Variants in FAM184B observed in about 807,000 individuals in gnomAD.
FAM184B encodes the protein protein FAM184B.
Under a neutral mutation model 135.9 loss-of-function variants are expected in FAM184B, and 111 were observed. That is an observed-to-expected ratio of 0.82 (90% CI 0.70 to 0.96). FAM184B has a LOEUF of 0.96. Ranked by LOEUF, FAM184B falls within the 40% of genes least tolerant of loss-of-function variation. FAM184B has a pLI of 0.00. For synonymous variants in FAM184B, 552 were observed against 524.8 expected, an observed-to-expected ratio of 1.05 and a Z score of -0.71; for missense variants, 1,375 against 1,323.9, an observed-to-expected ratio of 1.04 and a Z score of -0.60.
intron 1 of FAM184B, among the ~76,000 whole-genome samples, chr4:17,771,771 C>A (rs1230188850): frequency 6.6e-6 from 1 of 152,190 alleles, no homozygotes; most frequent in African/African-American, 2.4e-5. Context: ...GGCTTGTTTC[C>A]AAGTTCGACA....
intron 12 of FAM184B, 104 bp from the exon 13 acceptor site, chr4:17,642,332 CG>C: frequency 7.3e-7 from 1 of 1,376,610 alleles, no homozygotes; most frequent in Non-Finnish European, 9.3e-7. Flanking sequence ...ACTGGCACCC[CG>C]CCCAGGCTGG....
intron 10 of FAM184B, 75 bp downstream of exon 10, chr4:17,658,275 G>A: frequency 1.5e-6 from 2 of 1,293,104 alleles, no homozygotes; most frequent in Admixed American, 4.0e-5. Context: ...ATGTAGAAAA[G>A]GGACGGCTTT....
intron 14 of FAM184B, among the ~76,000 whole-genome samples, chr4:17,637,973 TCTC>T (rs1390156405): frequency 1.2e-5 from 1 of 80,304 alleles, no homozygotes; most frequent in Non-Finnish European, 2.5e-5. Flanking sequence ...ACCCAGCTCC[TCTC>T]CTCCCACTCA....
At chr4:17,711,773 G>A (rs1052173362) in intron 1 of FAM184B, among the ~76,000 whole-genome samples, 12 of 152,158 alleles carry the variant, frequency 7.9e-5, no homozygotes, top group African/African-American at 2.7e-4. Flanking sequence ...GTGAGAACAC[G>A]TCCTCATGGG....
chr4:17,754,763 A>T (rs1346989546), intron 1 of FAM184B, among the ~76,000 whole-genome samples: 9 of 152,108 alleles, frequency 5.9e-5, no homozygotes, highest in Non-Finnish European at 8.8e-5. Flanking sequence ...TCATTCTGAG[A>T]CTTTCCCACA....
chr4:17,733,438 C>T (rs1157338814), intron 1 of FAM184B, among the ~76,000 whole-genome samples: 7 of 152,148 alleles, frequency 4.6e-5, no homozygotes, highest in East Asian at 1.9e-4. Context: ...AAATCCCCAT[C>T]GTCTCAGCCC....
chr4:17,746,952 C>T (rs945182185), intron 1 of FAM184B, among the ~76,000 whole-genome samples: 18 of 149,224 alleles, frequency 1.2e-4, no homozygotes, highest in Non-Finnish European at 2.4e-4. Context: ...GCAGGAGAAT[C>T]GCTTGAGCCC....
At chr4:17,771,278 G>A (rs933177396) in intron 1 of FAM184B, among the ~76,000 whole-genome samples, 1 of 152,146 alleles carries the variant, frequency 6.6e-6, no homozygotes, top group Non-Finnish European at 1.5e-5. Flanking sequence ...AAGGATAGGA[G>A]GAAGGCTGGG....
chr4:17,767,175 G>A (rs1035016869), intron 1 of FAM184B, among the ~76,000 whole-genome samples: 2 of 152,150 alleles, frequency 1.3e-5, no homozygotes, highest in Admixed American at 6.5e-5. Context: ...CCAGGTTCCC[G>A]CCCGTGCCTC....
intron 1 of FAM184B, among the ~76,000 whole-genome samples, chr4:17,712,712 A>C (rs932120504): frequency 2.6e-5 from 4 of 152,134 alleles, no homozygotes; most frequent in Admixed American, 2.6e-4. Context: ...AAGAGCTTTC[A>C]CACTCAGCCT....
chr4:17,751,898 A>G (rs1379073880), intron 1 of FAM184B, among the ~76,000 whole-genome samples: 1 of 150,312 alleles, frequency 6.7e-6, no homozygotes, highest in Non-Finnish European at 1.5e-5. Flanking sequence ...TCAGACAGGT[A>G]GAGGTGTGGC....
chr4:17,645,764 A>G (rs1186688524), intron 12 of FAM184B, among the ~76,000 whole-genome samples: 1 of 152,076 alleles, frequency 6.6e-6, no homozygotes, highest in African/African-American at 2.4e-5. Context: ...GCACAGCAAA[A>G]GAAACTACCA....
chr4:17,781,367 C>A lies in FAM184B; in HGVS notation c.-68G>T. The A allele has an allele frequency of 7.1e-7, 1 of 1,403,640 alleles. No individual in the cohort carries two copies. 86.9% of individuals were successfully genotyped at this position (1,403,640 alleles called of 1,614,324 possible). On this transcript the variant is annotated 5_prime_UTR_variant, in exon 1 of 18. Transcript: ENST00000265018. The surrounding 1 kb of genome is among the most constrained non-coding windows in gnomAD (Gnocchi z 6.5). ...TGCCCACCGTGTGCACGTGCGTGCG[C>A]GCGCGGGCGTGCGAGCGTGTGGGTT...
At chr4:17,761,243 G>GTCTCTC (rs138081185) in intron 1 of FAM184B, among the ~76,000 whole-genome samples, 5 of 149,038 alleles carry the variant, frequency 3.4e-5, no homozygotes, top group African/African-American at 1.2e-4. Context: ...GAGACAGCAG[G>GTCTCTC]TCTCTCTCTC....
intron 14 of FAM184B, among the ~76,000 whole-genome samples, chr4:17,637,780 G>A (rs1236363069): frequency 6.6e-6 from 1 of 152,196 alleles, no homozygotes; most frequent in Non-Finnish European, 1.5e-5. Flanking sequence ...GACCTGGCTT[G>A]CTGCCATCAC....
At chr4:17,766,338 G>C (rs1039229411) in intron 1 of FAM184B, among the ~76,000 whole-genome samples, 1 of 152,240 alleles carries the variant, frequency 6.6e-6, no homozygotes, top group Non-Finnish European at 1.5e-5. Context: ...GCTACACACA[G>C]AGCACTGATT....
Position 17,688,485 on chromosome 4 carries a change from G to T in FAM184B, c.1535C>A (p.Thr512Lys). 1.3e-6 allele frequency: 2 copies of T among 1,551,152 alleles called. No homozygotes were observed. Among genetic ancestry groups the T allele is most frequent in the Non-Finnish European group, 8.7e-7 (1 of 1,146,888 alleles). ...TTCCTGGGGACTTTCCTCAGCTCCT[G>T]TGGGGCGTGTCTTATTTTGTTGGAT... ...EFIQQNKTRP[T>K]GAEESPQELG... Residue 512 changes from threonine (T) to lysine (K), a missense_variant, in exon 7 of 18, where the codon ACA becomes AAA. Physicochemically the swap from Thr to Lys is moderately conservative, Grantham distance 78 (BLOSUM62 -1). Coordinates refer to ENST00000265018, the MANE Select transcript of FAM184B (RefSeq NM_015688.2).
chr4:17,638,118 T>C (rs1313148353), intron 14 of FAM184B, among the ~76,000 whole-genome samples: 1 of 140,090 alleles, frequency 7.1e-6, no homozygotes, highest in African/African-American at 2.6e-5. Flanking sequence ...CCGCCTGGTA[T>C]GATGTTAACT....
Position 17,709,645 on chromosome 4 carries a change from C to T in FAM184B, c.142-1G>A. ...GGCGGGTGTTCAGGGCATAAATCAC[C>T]TGCAGGAAAATCAACAGAGCCCAGT... On this transcript the variant is annotated splice_acceptor_variant, in intron 1 of 17. Coordinates refer to ENST00000265018, the MANE Select transcript of FAM184B (RefSeq NM_015688.2). LOFTEE classifies it high-confidence loss of function. 6.7e-7 allele frequency: 1 copy of T among 1,488,702 alleles called. No individual in the cohort carries two copies. The allele number at this position is 1,488,702 out of a possible 1,614,324, so 92.2% of individuals were successfully genotyped here.
Sources: allele counts gnomAD v4.1 joint callset (sites outside exome capture counted in the v4.1 genomes callset), GRCh38; gene constraint gnomAD v4.1.1; non-coding constraint Gnocchi (gnomAD v3.1); transcripts MANE v1.5; gene names NCBI Gene and HGNC (gene_info 2026-07-23, HGNC 2026-07-21).